Variants in CYSLTR1 observed in about 807,000 individuals in gnomAD.
CYSLTR1 encodes cysteinyl leukotriene receptor 1, also known as G-protein coupled receptor HG55.
A neutral mutation model predicts 2.1 loss-of-function variants in CYSLTR1; 1 was observed. The observed-to-expected ratio is 0.48, with a 90% CI of 0.17 to 2.28. The LOEUF is 2.28. CYSLTR1 is among the 30% of genes most tolerant of loss of function. The pLI, the probability that CYSLTR1 is intolerant of heterozygous loss-of-function variation, is 0.26. For missense variants in CYSLTR1, 299 were observed against 250.1 expected, an observed-to-expected ratio of 1.20 and a Z score of -1.32; for synonymous variants, 110 against 89.6, an observed-to-expected ratio of 1.23 and a Z score of -1.28.
intron 1 of CYSLTR1, among the ~76,000 whole-genome samples, chrX:78,288,944 G>A (rs1192699720): frequency 1.0e-5 from 1 of 95,898 alleles, no homozygotes; most frequent in African/African-American, 3.8e-5. Flanking sequence ...CCACAAATGA[G>A]TGGGAACATG....
Position 78,273,651 on chromosome X carries a change from C to A in CYSLTR1, c.96G>T (p.Met32Ile), listed in dbSNP as rs201956517. Reference protein sequence around the residue: ...RNQVYSTLYSMISVVGFFGNG... With the variant: ...RNQVYSTLYSIISVVGFFGNG... ...TGCCAAAGAAGCCTACAACAGAGAT[C>A]ATAGAGTACAAGGTGGAATACACTT... Residue 32 changes from methionine to isoleucine, a missense_variant, in exon 3 of 3, where the codon ATG becomes ATT. By Grantham distance (10) the Met-to-Ile change is conservative (BLOSUM62 1). Coordinates refer to ENST00000373304, the MANE Select transcript of CYSLTR1 (RefSeq NM_006639.4). 8.3e-6 allele frequency: 10 copies of A among 1,209,861 alleles called. No individual in the cohort carries two copies. The Middle Eastern group carries it at 6.9e-4, about 83-fold the overall frequency.
At chrX:78,319,375 T>C (rs1309518375) in intron 1 of CYSLTR1, 3 of 107,106 alleles carry the variant, frequency 2.8e-5, no homozygotes, top group Non-Finnish European at 3.8e-5. Context: ...TTTGGTTTTT[T>C]GTCCTTGCGT....
chrX:78,288,093 C>A (rs765205044), intron 1 of CYSLTR1, among the ~76,000 whole-genome samples: 1 of 110,616 alleles, frequency 9.0e-6, no homozygotes, highest in African/African-American at 3.3e-5. Context: ...GTCCTGGCTA[C>A]TCAGAAGGCT....
intron 1 of CYSLTR1, among the ~76,000 whole-genome samples, chrX:78,286,018 T>C (rs983415335): frequency 8.9e-6 from 1 of 112,085 alleles, no homozygotes; most frequent in African/African-American, 3.2e-5. Context: ...TCCAATTCAG[T>C]TCAGGTTAAC....
chrX:78,286,982 A>G (rs370801850), intron 1 of CYSLTR1, among the ~76,000 whole-genome samples: 5 of 111,552 alleles, frequency 4.5e-5, no homozygotes, highest in African/African-American at 1.6e-4. Context: ...TGCTTATTCA[A>G]ATATTTCACA....
At chrX:78,285,203 C>A (rs1258327066) in intron 1 of CYSLTR1, among the ~76,000 whole-genome samples, 2 of 110,448 alleles carry the variant, frequency 1.8e-5, no homozygotes, top group Admixed American at 1.9e-4. Context: ...GAGGCCGAGG[C>A]GGGCGGATCA....
rs1367536451 is a variant in CYSLTR1, at chrX:78,272,693, GA to G, written c.*39del. ...ATGATTTGACAAAATACTTATTTGG[GA>G]AACTATTTTCATTGGTTTGGACTGG... On this transcript the variant is annotated 3_prime_UTR_variant, in exon 3 of 3. Transcript: ENST00000373304. 1.9e-6 allele frequency: 2 copies of G among 1,051,551 alleles called. No individual in the cohort carries two copies. Among genetic ancestry groups the G allele is most frequent in the East Asian group, 6.4e-5 (2 of 31,343 alleles). 86.7% of individuals were successfully genotyped at this position (1,051,551 alleles called of 1,213,427 possible).
chrX:78,272,642 A>C lies in CYSLTR1; in HGVS notation c.*91T>G, dbSNP rs1921317931. 2.2e-6 allele frequency: 2 copies of C among 898,942 alleles called. No homozygotes were observed. The highest frequency in any genetic ancestry group is 8.0e-5 in the Admixed American group (2 of 24,917). 74.1% of individuals were successfully genotyped at this position (898,942 alleles called of 1,213,427 possible). A position where few individuals can be genotyped will look rare whatever the true frequency, so the allele number is the denominator to read the frequency against. ...AATAGTTAAGTATTTGTAAAATATT[A>C]AGTAAAATTTTTATTTTTTTTGTAA... On this transcript the variant is annotated 3_prime_UTR_variant, in exon 3 of 3. Transcript: ENST00000373304.
chrX:78,306,271 C>T (rs1457032224), intron 1 of CYSLTR1, among the ~76,000 whole-genome samples: 1 of 110,791 alleles, frequency 9.0e-6, no homozygotes, highest in African/African-American at 3.3e-5. Flanking sequence ...TTAAGCAATT[C>T]TTCTGCCTCA....
intron 1 of CYSLTR1, among the ~76,000 whole-genome samples, chrX:78,286,286 A>C (rs1312196343): frequency 9.0e-6 from 1 of 110,857 alleles, no homozygotes; most frequent in East Asian, 2.8e-4. Context: ...TACAAAAAAT[A>C]AAAAAAATGT....
At chrX:78,289,183 G>C (rs776684093) in intron 1 of CYSLTR1, among the ~76,000 whole-genome samples, 1 of 102,046 alleles carries the variant, frequency 9.8e-6, no homozygotes, top group Non-Finnish European at 2.0e-5. Flanking sequence ...CTCATTGTTT[G>C]GTTCCCACCT....
rs1444806678 is a variant in CYSLTR1, at chrX:78,273,614, G to A, written c.133C>T (p.Leu45Phe). Residue 45 changes from leucine (L) to phenylalanine (F), a missense_variant, in exon 3 of 3, where the codon CTC becomes TTC. Physicochemically the swap from Leu to Phe is conservative, Grantham distance 22. Transcript: ENST00000373304. ...VVGFFGNGFV[L>F]YVLIKTYHKK... ...TGATAGGTTTTTATGAGGACATAGAGCACAAAGCCATTGCCAAAGAAGCCT... is the reference window on the plus strand; with the variant it reads ...TGATAGGTTTTTATGAGGACATAGAACACAAAGCCATTGCCAAAGAAGCCT... 3.7e-5 allele frequency: 45 copies of A among 1,209,695 alleles called. No individual in the cohort carries two copies. Among genetic ancestry groups the A allele is most frequent in the Non-Finnish European group, 4.5e-5 (40 of 895,196 alleles).
chrX:78,324,125 G>C (rs61266580), intron 1 of CYSLTR1, among the ~76,000 whole-genome samples: 2,522 of 111,818 alleles, frequency 0.023, 68 homozygotes, highest in African/African-American at 0.079. Flanking sequence ...CAGCAGGATA[G>C]AAGAATTTAT....
chrX:78,318,033 G>A (rs778629142), intron 1 of CYSLTR1, among the ~76,000 whole-genome samples: 2 of 112,225 alleles, frequency 1.8e-5, no homozygotes, highest in African/African-American at 6.5e-5. Context: ...CCCCATTACT[G>A]GGTATATACC....
intron 1 of CYSLTR1, among the ~76,000 whole-genome samples, chrX:78,288,023 AC>A (rs1239945994): frequency 9.2e-6 from 1 of 109,169 alleles, no homozygotes; most frequent in East Asian, 2.9e-4. Context: ...TCAGAAAAAA[AC>A]AAAGAACAAA....
intron 2 of CYSLTR1, among the ~76,000 whole-genome samples, chrX:78,279,887 C>A (rs2149183360): frequency 9.0e-6 from 1 of 111,507 alleles, no homozygotes; most frequent in Non-Finnish European, 1.9e-5. Flanking sequence ...TAAATGGGAG[C>A]TAAACATTGG....
intron 1 of CYSLTR1, among the ~76,000 whole-genome samples, chrX:78,305,940 G>A (rs1446212912): frequency 8.9e-6 from 1 of 112,662 alleles, no homozygotes. Flanking sequence ...CAATCTAAGT[G>A]TTCATCAACA....
intron 1 of CYSLTR1, among the ~76,000 whole-genome samples, chrX:78,284,349 T>C (rs909587580): frequency 8.9e-6 from 1 of 111,817 alleles, no homozygotes; most frequent in Non-Finnish European, 1.9e-5. Context: ...GTCCAAGCGC[T>C]AACAAAATAA....
chrX:78,306,384 G>A lies in CYSLTR1; in HGVS notation c.-115+20921C>T, dbSNP rs779071762. 4.5e-5 allele frequency among the ~76,000 whole-genome samples: 5 copies of A among 110,756 alleles called. No individual in the cohort carries two copies. The South Asian group carries it at 1.5e-3, about 34-fold the overall frequency. On this transcript the variant is annotated intron_variant, in intron 1 of 2. Transcript: ENST00000373304. ...TCACCATGTTGGCAAGGTTGGTCTCGATCTCCTGACCTCAGGTGATCTGCC... is the reference window on the plus strand; with the variant it reads ...TCACCATGTTGGCAAGGTTGGTCTCAATCTCCTGACCTCAGGTGATCTGCC...
Sources: gnomAD v4.1 joint callset for allele counts (sites outside exome capture counted in the v4.1 genomes callset) on GRCh38, gnomAD v4.1.1 for gene constraint, MANE v1.5 for transcripts, NCBI Gene and HGNC (gene_info 2026-07-23, HGNC 2026-07-21) for gene names.